Variants in CNTN5 observed in about 807,000 individuals in gnomAD.
CNTN5 encodes contactin-5.
In CNTN5, 77 loss-of-function variants were observed where a neutral mutation model predicts 129.1. The ratio of observed to expected loss-of-function variants is 0.60; its 90% CI spans 0.50 to 0.72. CNTN5 has a LOEUF of 0.72. CNTN5 is among the 30% of genes least tolerant of loss of function. The probability of loss-of-function intolerance (pLI) is 0.00; values close to 1 mark genes in which losing one functional copy is unlikely to be tolerated. For synonymous variants in CNTN5, 509 were observed against 465.6 expected (o/e 1.09, Z -1.20); for missense variants, 1,478 against 1,328.8 (o/e 1.11, Z -1.75).
In CNTN5 at chr11:99,178,155, T is replaced by A. The variant is rs548875258; in HGVS notation, c.-209-147191T>A. 2.0e-5 allele frequency among the ~76,000 whole-genome samples: 3 copies of A among 149,344 alleles called. No homozygotes were observed. In the South Asian group the frequency reaches 6.4e-4, roughly 32 times the overall value. ...AAATGGTATAGACTCAACTAGCAAC[T>A]AAAACAAACAAACAAACAAACAAAC... On this transcript the variant is annotated intron_variant, in intron 1 of 24. Transcript: ENST00000524871.
At chr11:99,130,083 A>G (rs532515048) in intron 1 of CNTN5, among the ~76,000 whole-genome samples, 1 of 152,338 alleles carries the variant, frequency 6.6e-6, no homozygotes, top group African/African-American at 2.4e-5. Context: ...AGCCAACATT[A>G]TGATGACAGG....
chr11:99,648,548 T>A (rs1952047027), intron 3 of CNTN5, among the ~76,000 whole-genome samples: 1 of 151,842 alleles, frequency 6.6e-6, no homozygotes, highest in Admixed American at 6.6e-5. Context: ...ACCATATGAT[T>A]CATTAATCCT....
chr11:99,541,956 CAAAAA>C (rs56363127), intron 2 of CNTN5, among the ~76,000 whole-genome samples: 2 of 68,876 alleles, frequency 2.9e-5, no homozygotes, highest in East Asian at 3.9e-4. Flanking sequence ...GATCTTGTCT[CAAAAA>C]AAAAAAAAAA....
At chr11:99,764,795 A>G (rs1413429106) in intron 3 of CNTN5, among the ~76,000 whole-genome samples, 1 of 152,186 alleles carries the variant, frequency 6.6e-6, no homozygotes, top group Non-Finnish European at 1.5e-5. Flanking sequence ...TTACACCTAT[A>G]GATCATCTCA....
chr11:99,900,044 T>C (rs985485785), intron 6 of CNTN5, among the ~76,000 whole-genome samples: 17 of 151,984 alleles, frequency 1.1e-4, no homozygotes, highest in African/African-American at 3.9e-4. Context: ...CTAGTCTCTG[T>C]ATCGGTTGTG....
chr11:99,207,967 C>T (rs1374606085), intron 1 of CNTN5, among the ~76,000 whole-genome samples: 1 of 152,112 alleles, frequency 6.6e-6, no homozygotes, highest in Non-Finnish European at 1.5e-5. Flanking sequence ...CCAAAGCCAT[C>T]GAATAATGTT....
At chr11:99,667,709 A>G (rs374890464) in intron 3 of CNTN5, among the ~76,000 whole-genome samples, 24 of 152,266 alleles carry the variant, frequency 1.6e-4, no homozygotes, top group African/African-American at 5.3e-4. Flanking sequence ...AAAACCAAAC[A>G]CCACATGTTC....
At chr11:99,436,020 G>C (rs1370872198) in intron 2 of CNTN5, among the ~76,000 whole-genome samples, 1 of 152,118 alleles carries the variant, frequency 6.6e-6, no homozygotes, top group African/African-American at 2.4e-5. Flanking sequence ...GACATTTCAA[G>C]GTTGAAATGT....
rs911813470 is a variant in CNTN5 at position 99,964,447 on chromosome 11, T to C, written c.877+7438T>C. On this transcript the variant is annotated intron_variant, in intron 8 of 24. Coordinates refer to ENST00000524871, the MANE Select transcript of CNTN5 (RefSeq NM_014361.4). ...GTTTTTGCCGTTGGTTCTGTTTATA[T>C]GCTGGATTACATTTATTGATTTGCG... Among the ~76,000 whole-genome samples the C allele has an allele frequency of 3.9e-5, 6 of 152,250 alleles. No individual in the cohort carries two copies. In the South Asian group the frequency reaches 1.0e-3, roughly 26 times the overall value.
intron 7 of CNTN5, among the ~76,000 whole-genome samples, chr11:99,955,998 T>A (rs1262156653): frequency 6.6e-6 from 1 of 152,230 alleles, no homozygotes; most frequent in Non-Finnish European, 1.5e-5. Context: ...ACTTGTTTTA[T>A]ATCCTCTTTA....
At chr11:99,573,803 C>A (rs2726383) in intron 3 of CNTN5, among the ~76,000 whole-genome samples, 1 of 151,556 alleles carries the variant, frequency 6.6e-6, no homozygotes, top group Non-Finnish European at 1.5e-5. Context: ...TTGGAGAAAC[C>A]TTTCTAGAGC....
chr11:100,346,839 G>T (rs1019813243), intron 23 of CNTN5, among the ~76,000 whole-genome samples: 1 of 152,124 alleles, frequency 6.6e-6, no homozygotes, highest in Non-Finnish European at 1.5e-5. Context: ...AAAAGAAAGA[G>T]TTTTAATGGA....
intron 1 of CNTN5, among the ~76,000 whole-genome samples, chr11:99,095,385 G>A (rs1016907018): frequency 6.6e-6 from 1 of 151,794 alleles, no homozygotes. Context: ...AATACAAAAT[G>A]GTGAGAGTGA....
chr11:100,195,662 C>A (rs1318596982), intron 15 of CNTN5, among the ~76,000 whole-genome samples: 2 of 151,780 alleles, frequency 1.3e-5, no homozygotes, highest in Admixed American at 1.3e-4. Flanking sequence ...AGGTATAAAG[C>A]CAAAATATAC....
Position 100,037,884 on chromosome 11 carries a change from G to A in CNTN5, c.981-23328G>A, listed in dbSNP as rs970903314. Among the ~76,000 whole-genome samples the A allele has an allele frequency of 5.4e-4, 82 of 151,908 alleles. No individual in the cohort carries two copies. The Middle Eastern group carries it at 0.02, about 38-fold the overall frequency. On this transcript the variant is annotated intron_variant, in intron 9 of 24. Coordinates refer to ENST00000524871, the MANE Select transcript of CNTN5 (RefSeq NM_014361.4). ...TTTTTTCTTTATTAGTCTTGCTGGC[G>A]GTCTATCAATTTTGTTGATCTTTTC... is the stretch of plus-strand genomic sequence containing the variant.
At chr11:100,077,862 A>G (rs1389279506) in intron 13 of CNTN5, among the ~76,000 whole-genome samples, 1 of 151,936 alleles carries the variant, frequency 6.6e-6, no homozygotes. Context: ...TAAGATCAAA[A>G]AGAAATATTT....
chr11:100,294,486 C>A (rs574430747), intron 18 of CNTN5, among the ~76,000 whole-genome samples: 2 of 151,654 alleles, frequency 1.3e-5, no homozygotes, highest in Non-Finnish European at 3.0e-5. Context: ...AATGGATGAG[C>A]TTTGCTCAGA....
At chr11:99,318,627 T>A (rs1258609048) in intron 1 of CNTN5, among the ~76,000 whole-genome samples, 1 of 152,074 alleles carries the variant, frequency 6.6e-6, no homozygotes, top group Non-Finnish European at 1.5e-5. Context: ...AGTCTGCATA[T>A]TTTTTTCATT....
intron 3 of CNTN5, among the ~76,000 whole-genome samples, chr11:99,784,026 AG>A (rs1462680712): frequency 6.6e-6 from 1 of 152,164 alleles, no homozygotes; most frequent in Non-Finnish European, 1.5e-5. Flanking sequence ...CTACTTTAAA[AG>A]CTGTGTGCCT....
Sources: gnomAD v4.1 joint callset for allele counts (sites outside exome capture counted in the v4.1 genomes callset) on GRCh38, gnomAD v4.1.1 for gene constraint, MANE v1.5 for transcripts, NCBI Gene and HGNC (gene_info 2026-07-23, HGNC 2026-07-21) for gene names.